PCDHGA2: variants seen among roughly 807,000 people sequenced by gnomAD.
PCDHGA2 encodes protocadherin gamma subfamily A, 2.
Under a neutral mutation model 59.2 loss-of-function variants are expected in PCDHGA2, and 40 were observed. The observed-to-expected ratio is 0.68, with a 90% CI of 0.52 to 0.88. PCDHGA2 has a LOEUF of 0.88. Among genes scored for constraint, PCDHGA2 ranks in the 40% least tolerant of loss-of-function variants. The pLI is 0.00. For missense variants in PCDHGA2, 1,226 were observed against 1,204.0 expected, an observed-to-expected ratio of 1.02 and a Z score of -0.27; for synonymous variants, 560 against 526.0, an observed-to-expected ratio of 1.06 and a Z score of -0.89.
At chr5:141,382,690 G>C in intron 1 of PCDHGA2, 1 of 448,422 alleles carries the variant, frequency 2.2e-6, no homozygotes, top group Non-Finnish European at 3.9e-6. Context: ...AGGGAAAAAT[G>C]GTGCGAGAGA....
At position 141,345,499 on chromosome 5, in the gene PCDHGA2, A is replaced by C. The variant is rs755060552; in HGVS notation, c.2424+4104A>C. On this transcript the variant is annotated intron_variant, in intron 1 of 3. Coordinates refer to ENST00000394576, the MANE Select transcript of PCDHGA2 (RefSeq NM_018915.4). ...AGCAACAACAACGCCCGCATCACTT[A>C]TGCATTGACCGAGGACACTCTCCAG... 4 of 1,614,018 alleles carry C rather than the reference A, an allele frequency of 2.5e-6. No homozygotes were observed. In the African/African-American group the frequency reaches 5.3e-5, roughly 22 times the overall value.
At chr5:141,505,993 T>TGCGA (rs2099849805) in intron 3 of PCDHGA2, among the ~76,000 whole-genome samples, 1 of 152,188 alleles carries the variant, frequency 6.6e-6, no homozygotes, top group African/African-American at 2.4e-5. Context: ...CTCCTCTTTA[T>TGCGA]GCGAGGCTCC....
At chr5:141,343,848 A>C (rs929007966) in intron 1 of PCDHGA2, 4 of 525,844 alleles carry the variant, frequency 7.6e-6, no homozygotes, top group Non-Finnish European at 9.9e-6. Flanking sequence ...TTGCTCCTAA[A>C]ATGCAAAGAA....
intron 2 of PCDHGA2, among the ~76,000 whole-genome samples, chr5:141,497,602 C>T (rs948023459): frequency 2.0e-5 from 3 of 148,260 alleles, no homozygotes; most frequent in East Asian, 2.0e-4. Flanking sequence ...TGCAGTGGTG[C>T]GATCTTGGCT....
intron 1 of PCDHGA2, chr5:141,374,180 T>C (rs1347088415): frequency 6.2e-7 from 1 of 1,613,682 alleles, no homozygotes; most frequent in Non-Finnish European, 8.5e-7. Context: ...GCAGATCCGC[T>C]ACTCTATTCC....
intron 1 of PCDHGA2, among the ~76,000 whole-genome samples, chr5:141,483,466 A>C (rs1212605130): frequency 6.6e-6 from 1 of 152,188 alleles, no homozygotes. Context: ...GTTGATTGAC[A>C]TGATATAGGA....
chr5:141,413,541 G>A, intron 1 of PCDHGA2: 1 of 1,613,904 alleles, frequency 6.2e-7, no homozygotes, highest in Non-Finnish European at 8.5e-7. Flanking sequence ...AACTTTTTGG[G>A]ATAGAAATAG....
At chr5:141,399,949 A>G in intron 1 of PCDHGA2, 1 of 1,612,272 alleles carries the variant, frequency 6.2e-7, no homozygotes, top group Non-Finnish European at 8.5e-7. Flanking sequence ...GCTGCAGGCT[A>G]GCGAGCCCGG....
rs1000775080 is a variant in PCDHGA2 at position 141,487,567 on chromosome 5, G to C, written c.2425-7240G>C. 2 of 1,614,168 alleles carry C rather than the reference G, an allele frequency of 1.2e-6. No individual in the cohort carries two copies. The highest frequency in any genetic ancestry group is 1.7e-6 in the Non-Finnish European group (2 of 1,180,036). ...CACCCAGTGCACCTATGGCAGGGGA[G>C]CCTGTTCGCCCAAGCTGCCCACCCT... On this transcript the variant is annotated intron_variant, in intron 1 of 3. Coordinates refer to ENST00000394576, the MANE Select transcript of PCDHGA2 (RefSeq NM_018915.4). The surrounding 1 kb of genome is among the most constrained non-coding windows in gnomAD (Gnocchi z 5.0).
chr5:141,365,181 A>T lies in PCDHGA2; in HGVS notation c.2424+23786A>T, dbSNP rs549713754. ...AAATTGACCTACTCTTTTCGCAATG[A>T]AGAAGAAAAAATTTCGGAGACTTTC... On this transcript the variant is annotated intron_variant, in intron 1 of 3. Transcript: ENST00000394576. The T allele has an allele frequency of 3.0e-5, 48 of 1,613,864 alleles. No homozygotes were observed. The East Asian group carries it at 1.0e-3, about 35-fold the overall frequency.
At chr5:141,397,926 A>T in intron 1 of PCDHGA2, 1 of 753,888 alleles carries the variant, frequency 1.3e-6, no homozygotes, top group Non-Finnish European at 2.1e-6. Context: ...CTCCTCGCGC[A>T]GCCGCAGCGC....
intron 1 of PCDHGA2, chr5:141,345,332 C>T (rs1561489716): frequency 6.2e-7 from 1 of 1,613,984 alleles, no homozygotes; most frequent in Non-Finnish European, 8.5e-7. Flanking sequence ...CGCCACTGTC[C>T]ACAGAAACTC....
At chr5:141,418,687 G>T (rs758554600) in intron 1 of PCDHGA2, 1 of 1,613,928 alleles carries the variant, frequency 6.2e-7, no homozygotes, top group African/African-American at 1.3e-5. Context: ...TCAACTCAGA[G>T]ATCACTTATT....
chr5:141,505,255 C>T (rs2099844853), intron 2 of PCDHGA2, 138 bp from the exon 3 acceptor site: 1 of 1,481,112 alleles, frequency 6.8e-7, no homozygotes, highest in Admixed American at 2.1e-5. Context: ...AGAAGTGCCT[C>T]CTACCTTGCT....
At chr5:141,385,281 C>G (rs761366864) in intron 1 of PCDHGA2, 15 of 1,613,230 alleles carry the variant, frequency 9.3e-6, no homozygotes, top group Admixed American at 3.3e-5. Flanking sequence ...TGCTAACATC[C>G]GTAGATTTTC....
At chr5:141,499,648 CAT>C (rs1434824310) in intron 2 of PCDHGA2, among the ~76,000 whole-genome samples, 2 of 148,784 alleles carry the variant, frequency 1.3e-5, no homozygotes, top group Admixed American at 6.7e-5. Flanking sequence ...TCTCAGACAT[CAT>C]ATAATTTCAT....
chr5:141,470,130 A>G (rs915991313), intron 1 of PCDHGA2, among the ~76,000 whole-genome samples: 4 of 151,534 alleles, frequency 2.6e-5, no homozygotes, highest in African/African-American at 4.9e-5. Flanking sequence ...CTTCGTCTCA[A>G]AAAAAAAGAT....
intron 1 of PCDHGA2, chr5:141,343,245 G>A (rs1332071008): frequency 2.6e-5 from 24 of 922,118 alleles, no homozygotes; most frequent in Non-Finnish European, 3.0e-5. Context: ...AACAAATATC[G>A]AAACTAAGTT....
chr5:141,372,707 G>C, intron 1 of PCDHGA2: 1 of 1,613,964 alleles, frequency 6.2e-7, no homozygotes, highest in Non-Finnish European at 8.5e-7. Context: ...TCAATATAAA[G>C]GCTGAAAATG....
Sources: allele counts gnomAD v4.1 joint callset (sites outside exome capture counted in the v4.1 genomes callset), GRCh38; gene constraint gnomAD v4.1.1; non-coding constraint Gnocchi (gnomAD v3.1); transcripts MANE v1.5; gene names NCBI Gene and HGNC (gene_info 2026-07-23, HGNC 2026-07-21).